ZFHX3: variants seen among roughly 807,000 people sequenced by gnomAD.
ZFHX3 encodes zinc finger homeobox 3, also known as zinc finger homeobox protein 3.
Under a neutral mutation model 279.1 loss-of-function variants are expected in ZFHX3, and 42 were observed. The ratio of observed to expected loss-of-function variants is 0.15; its 90% CI spans 0.12 to 0.19. The LOEUF (loss-of-function observed/expected upper bound fraction) is 0.19. Among genes scored for constraint, ZFHX3 ranks in the 10% least tolerant of loss-of-function variants. The pLI is 1.00. For missense variants in ZFHX3, 4,981 were observed against 4,754.0 expected (o/e 1.05, Z -1.40); for synonymous variants, 2,293 against 1,957.8 (o/e 1.17, Z -4.52).
chr16:73,401,864 T>G (rs2017262903), intron 3 of ZFHX3: 1 of 152,200 alleles, frequency 6.6e-6, no homozygotes, highest in Non-Finnish European at 1.5e-5. Context: ...TAGAGAGCCC[T>G]GTTATAACGA....
At chr16:72,864,961 T>C (rs1011169365) in intron 4 of ZFHX3, among the ~76,000 whole-genome samples, 7 of 152,204 alleles carry the variant, frequency 4.6e-5, no homozygotes, top group Non-Finnish European at 8.8e-5. Flanking sequence ...GGCCAGTGCA[T>C]TTCCAGCCAG....
intron 2 of ZFHX3, among the ~76,000 whole-genome samples, chr16:73,459,615 G>A (rs572649605): frequency 2.6e-5 from 4 of 152,230 alleles, no homozygotes; most frequent in East Asian, 1.9e-4. Context: ...TGATCTGCCC[G>A]CCTTGGCCCT....
Position 72,787,737 on chromosome 16 carries a change from ACTGCCACCGCCG to A in ZFHX3, c.10527_10538del (p.Ser3513_Gly3516del), listed in dbSNP as rs1326381181. On this transcript the variant is annotated inframe_deletion, in exon 10 of 10. Coordinates refer to ENST00000268489, the MANE Select transcript of ZFHX3 (RefSeq NM_006885.4). Reference sequence around the variant, plus strand: ...CGCCGCCACCGCCGCCGCCGCCGCCACTGCCACCGCCGCCGCCGCCGGTGGGGACGTGAAGCA... The same window carrying A: ...CGCCGCCACCGCCGCCGCCGCCGCCACCGCCGCCGGTGGGGACGTGAAGCA... 2.2e-6 allele frequency: 3 copies of A among 1,390,038 alleles called. No individual in the cohort carries two copies. Among genetic ancestry groups the A allele is most frequent in the South Asian group, 2.1e-5 (1 of 48,768 alleles). 86.1% of individuals were successfully genotyped at this position (1,390,038 alleles called of 1,614,324 possible).
At chr16:73,094,937 T>A (rs1158367478) in intron 7 of ZFHX3, among the ~76,000 whole-genome samples, 1 of 152,144 alleles carries the variant, frequency 6.6e-6, no homozygotes, top group Non-Finnish European at 1.5e-5. Flanking sequence ...CTCAAACTCC[T>A]GACCTCAGGT....
intron 2 of ZFHX3, among the ~76,000 whole-genome samples, chr16:72,951,463 T>G (rs576857993): frequency 6.6e-6 from 1 of 152,176 alleles, no homozygotes; most frequent in Non-Finnish European, 1.5e-5. Context: ...GGTTTCATCA[T>G]GTTGGTCAGG....
At chr16:72,825,377 T>C (rs1251102873) in intron 5 of ZFHX3, among the ~76,000 whole-genome samples, 1 of 152,236 alleles carries the variant, frequency 6.6e-6, no homozygotes, top group Admixed American at 6.5e-5. Context: ...CTAGATCTAA[T>C]GATCAAACTG....
At chr16:73,857,533 G>A (rs1961766512) in intron 1 of ZFHX3, among the ~76,000 whole-genome samples, 1 of 152,118 alleles carries the variant, frequency 6.6e-6, no homozygotes, top group Non-Finnish European at 1.5e-5. Context: ...ATAAAAGCGG[G>A]GAGGAGAGGA....
At position 72,928,230 on chromosome 16, in the gene ZFHX3, G is replaced by GCAAGAGAGACCGCAAGAGAGAT. The variant is rs1555531075; in HGVS notation, c.3216+22238_3216+22239insATCTCTCTTGCGGTCTCTCTTG. ...GGGGAGCGAAGGGGAGCGAGGGGGA[G>GCAAGAGAGACCGCAAGAGAGAT]CGAGAGAGGAAAGGGCTTAAGGGGA... On this transcript the variant is annotated intron_variant, in intron 3 of 9. Transcript: ENST00000268489. 1.8e-4 allele frequency among the ~76,000 whole-genome samples: 15 copies of GCAAGAGAGACCGCAAGAGAGAT among 81,652 alleles called. 4 individuals carry two copies. The highest frequency in any genetic ancestry group is 5.9e-4 in the African/African-American group (12 of 20,220). The allele number at this position is 81,652 out of a possible 152,430, so 53.6% of individuals were successfully genotyped here. A position where few individuals can be genotyped will look rare whatever the true frequency, so the allele number is the denominator to read the frequency against.
At chr16:73,002,157 C>G (rs559874532) in intron 1 of ZFHX3, among the ~76,000 whole-genome samples, 3 of 152,146 alleles carry the variant, frequency 2.0e-5, no homozygotes, top group African/African-American at 7.2e-5. Flanking sequence ...CATAAAGTAA[C>G]GGACATGGAA....
intron 5 of ZFHX3, among the ~76,000 whole-genome samples, chr16:73,224,945 CTGCCTATCACCTTCATGATTT>C (rs2012546433): frequency 6.6e-6 from 1 of 152,128 alleles, no homozygotes; most frequent in Non-Finnish European, 1.5e-5. Flanking sequence ...CTTCAATCAC[CTGCCTATCACCTTCATGATTT>C]TGCCCTATTT....
chr16:73,308,888 T>C (rs1359780034), intron 4 of ZFHX3, among the ~76,000 whole-genome samples: 1 of 151,214 alleles, frequency 6.6e-6, no homozygotes, highest in Non-Finnish European at 1.5e-5. Flanking sequence ...AAGTACAAAA[T>C]TATATGACAT....
chr16:73,192,447 C>T (rs4609882), intron 5 of ZFHX3, among the ~76,000 whole-genome samples: 12,861 of 152,202 alleles, frequency 0.084, 732 homozygotes, highest in Non-Finnish European at 0.12. Context: ...CCGGTGCCAG[C>T]GGCCCTGGTG....
At chr16:73,875,972 C>T (rs1038274241) in intron 1 of ZFHX3, among the ~76,000 whole-genome samples, 1 of 152,158 alleles carries the variant, frequency 6.6e-6, no homozygotes, top group East Asian at 1.9e-4. Flanking sequence ...TTCACTGGGC[C>T]TTTCCATTCC....
At chr16:73,532,625 G>A (rs1473796659) in intron 2 of ZFHX3, among the ~76,000 whole-genome samples, 2 of 152,160 alleles carry the variant, frequency 1.3e-5, no homozygotes, top group Admixed American at 6.5e-5. Flanking sequence ...CACTTACTAG[G>A]AGTGTAGCCT....
chr16:73,538,568 G>A (rs1021179063), intron 2 of ZFHX3, among the ~76,000 whole-genome samples: 2 of 152,126 alleles, frequency 1.3e-5, no homozygotes, highest in Non-Finnish European at 2.9e-5. Context: ...GCAAGGATGA[G>A]AGGAGACATT....
Position 72,825,962 on chromosome 16 carries a change from T to A in ZFHX3, c.3529+3817A>T, listed in dbSNP as rs143233642. On this transcript the variant is annotated intron_variant, in intron 5 of 9. Coordinates refer to ENST00000268489, the MANE Select transcript of ZFHX3 (RefSeq NM_006885.4). The stretch of plus-strand genomic sequence containing the variant: ...TCGACAGCACTGATCTATAGTAATA[T>A]CGGTCTTACGACTACGGGCGTTCCT... Among the ~76,000 whole-genome samples, 718 of 152,290 alleles carry A rather than the reference T, an allele frequency of 4.7e-3. 11 individuals are homozygous for A. The highest frequency in any genetic ancestry group is 0.016 in the African/African-American group (652 of 41,552).
At chr16:73,636,400 C>T (rs936241338) in intron 2 of ZFHX3, among the ~76,000 whole-genome samples, 3 of 151,892 alleles carry the variant, frequency 2.0e-5, no homozygotes, top group African/African-American at 7.3e-5. Context: ...TTAGAAATTC[C>T]GGCCAAAGCA....
chr16:72,907,575 G>A (rs1259691176), intron 3 of ZFHX3, among the ~76,000 whole-genome samples: 5 of 150,180 alleles, frequency 3.3e-5, no homozygotes, highest in Admixed American at 1.3e-4. Context: ...GTGTGTGTGT[G>A]TGTGTGTGTG....
Position 73,379,094 on chromosome 16 carries a change from G to C in ZFHX3, c.-1290-60758C>G, listed in dbSNP as rs144979450. Reference sequence around the variant, plus strand: ...GGATCTGTCAATGGCATGTTGAGGAGGGGGAGATGAGATTTCTATACCCTT... The same window carrying C: ...GGATCTGTCAATGGCATGTTGAGGACGGGGAGATGAGATTTCTATACCCTT... On this transcript the variant is annotated intron_variant, in intron 3 of 17. Transcript: ENST00000641206. 7.2e-5 allele frequency among the ~76,000 whole-genome samples: 11 copies of C among 152,304 alleles called. No individual in the cohort carries two copies. The East Asian group carries it at 2.1e-3, about 29-fold the overall frequency.
Sources: gnomAD v4.1 joint callset for allele counts (sites outside exome capture counted in the v4.1 genomes callset) on GRCh38, gnomAD v4.1.1 for gene constraint, MANE v1.5 for transcripts, NCBI Gene and HGNC (gene_info 2026-07-23, HGNC 2026-07-21) for gene names.